GPC5: variants seen among roughly 807,000 people sequenced by gnomAD.
GPC5 encodes glypican 5.
In GPC5, 47 loss-of-function variants were observed where a neutral mutation model predicts 53.9. That is an observed-to-expected ratio of 0.87 (90% CI 0.69 to 1.11). The LOEUF (loss-of-function observed/expected upper bound fraction) is 1.11. Ranked by LOEUF, GPC5 falls within the 50% of genes most tolerant of loss-of-function variation. The pLI, the probability that GPC5 is intolerant of heterozygous loss-of-function variation, is 0.00. For synonymous variants in GPC5, 286 were observed against 263.3 expected (o/e 1.09, Z -0.84); for missense variants, 748 against 713.1 (o/e 1.05, Z -0.56).
At chr13:92,270,535 C>G (rs963140658) in intron 7 of GPC5, among the ~76,000 whole-genome samples, 1 of 152,154 alleles carries the variant, frequency 6.6e-6, no homozygotes, top group Non-Finnish European at 1.5e-5. Flanking sequence ...CCTGTGGAAC[C>G]GTGAGCCAGT....
intron 6 of GPC5, among the ~76,000 whole-genome samples, chr13:92,134,446 T>C (rs2041768023): frequency 6.6e-6 from 1 of 152,150 alleles, no homozygotes; most frequent in Non-Finnish European, 1.5e-5. Flanking sequence ...TTTGTATTAC[T>C]TTTGTGGATA....
chr13:92,073,444 A>C (rs572231963), intron 6 of GPC5, among the ~76,000 whole-genome samples: 50 of 152,326 alleles, frequency 3.3e-4, no homozygotes, highest in Admixed American at 1.0e-3. Flanking sequence ...TTAATCAAGC[A>C]TGGCTTTACT....
At chr13:92,543,968 T>G (rs1210148178) in intron 7 of GPC5, among the ~76,000 whole-genome samples, 1 of 151,948 alleles carries the variant, frequency 6.6e-6, no homozygotes, top group Non-Finnish European at 1.5e-5. Flanking sequence ...ATTGCTTTGT[T>G]TTGCTTGTTG....
chr13:91,557,422 C>T (rs1198148914), intron 2 of GPC5, among the ~76,000 whole-genome samples: 1 of 152,050 alleles, frequency 6.6e-6, no homozygotes. Context: ...CTATTCAGCC[C>T]CCATCTATTT....
intron 2 of GPC5, among the ~76,000 whole-genome samples, chr13:91,651,371 ATT>A (rs2034704885): frequency 6.6e-6 from 1 of 152,166 alleles, no homozygotes; most frequent in Non-Finnish European, 1.5e-5. Context: ...TATCTCAGAT[ATT>A]TCTATTGATG....
At chr13:92,153,638 G>A (rs932610827) in intron 7 of GPC5, among the ~76,000 whole-genome samples, 3 of 152,132 alleles carry the variant, frequency 2.0e-5, no homozygotes, top group African/African-American at 7.2e-5. Context: ...AAGTAGCAGG[G>A]CAGTGCCACA....
intron 7 of GPC5, among the ~76,000 whole-genome samples, chr13:92,480,557 T>C (rs898446917): frequency 4.6e-5 from 7 of 152,124 alleles, no homozygotes; most frequent in African/African-American, 1.7e-4. Flanking sequence ...GCAAGACACA[T>C]GTTAGAATTT....
At chr13:91,464,633 A>T (rs1882125216) in intron 2 of GPC5, among the ~76,000 whole-genome samples, 1 of 152,166 alleles carries the variant, frequency 6.6e-6, no homozygotes, top group Admixed American at 6.6e-5. Flanking sequence ...ATAACAAAAT[A>T]ACAGAGATGG....
At chr13:92,525,428 A>G (rs1293196106) in intron 7 of GPC5, among the ~76,000 whole-genome samples, 1 of 111,866 alleles carries the variant, frequency 8.9e-6, no homozygotes, top group Non-Finnish European at 2.0e-5. Context: ...TCAGAAGTAG[A>G]TAGATTCAAG....
At chr13:91,730,092 A>C (rs1263705665) in intron 4 of GPC5, among the ~76,000 whole-genome samples, 1 of 152,200 alleles carries the variant, frequency 6.6e-6, no homozygotes, top group East Asian at 1.9e-4. Flanking sequence ...GATCCAACAC[A>C]TGCTTGTCTC....
intron 7 of GPC5, among the ~76,000 whole-genome samples, chr13:92,477,349 G>A (rs778208189): frequency 2.0e-4 from 31 of 152,218 alleles, no homozygotes; most frequent in African/African-American, 7.2e-4. Flanking sequence ...CAAGAACTGA[G>A]CTCAATACTT....
At chr13:92,230,971 T>C (rs2042525891) in intron 7 of GPC5, among the ~76,000 whole-genome samples, 1 of 152,136 alleles carries the variant, frequency 6.6e-6, no homozygotes, top group Non-Finnish European at 1.5e-5. Flanking sequence ...ACAGGATAAA[T>C]GCAAAGGCAG....
intron 6 of GPC5, among the ~76,000 whole-genome samples, chr13:92,093,922 C>T (rs887239008): frequency 6.6e-6 from 1 of 152,104 alleles, no homozygotes; most frequent in African/African-American, 2.4e-5. Context: ...GCTTTTTTCT[C>T]TTCATTTAAT....
chr13:92,113,794 A>G (rs987194029), intron 6 of GPC5, among the ~76,000 whole-genome samples: 1 of 152,108 alleles, frequency 6.6e-6, no homozygotes, highest in African/African-American at 2.4e-5. Context: ...GACCAAAGTA[A>G]GACACTTTAA....
At chr13:92,491,278 C>T (rs946326371) in intron 7 of GPC5, among the ~76,000 whole-genome samples, 23 of 151,938 alleles carry the variant, frequency 1.5e-4, no homozygotes, top group Non-Finnish European at 3.1e-4. Flanking sequence ...AAAAAAAGAT[C>T]TGATTTTTTT....
chr13:92,611,589 G>T (rs983074006), intron 7 of GPC5, among the ~76,000 whole-genome samples: 15 of 152,024 alleles, frequency 9.9e-5, no homozygotes, highest in African/African-American at 3.6e-4. Flanking sequence ...GTCCTCAAGA[G>T]TTTTTTCATA....
chr13:91,505,536 A>G (rs1210375963), intron 2 of GPC5, among the ~76,000 whole-genome samples: 1 of 152,162 alleles, frequency 6.6e-6, no homozygotes. Flanking sequence ...GTCCTAGGCT[A>G]TGTCATGTCA....
intron 7 of GPC5, among the ~76,000 whole-genome samples, chr13:92,192,602 TGTTTA>T (rs1466996230): frequency 1.3e-5 from 2 of 152,178 alleles, no homozygotes; most frequent in African/African-American, 2.4e-5. Context: ...AAAAAAGTAT[TGTTTA>T]GTTGAAGCAT....
At chr13:92,685,109 G>A (rs550790034) in intron 7 of GPC5, among the ~76,000 whole-genome samples, 8 of 86,766 alleles carry the variant, frequency 9.2e-5, no homozygotes, top group African/African-American at 4.3e-4. Context: ...TTATTTATTT[G>A]AGATGTAGTC....
Sources: gnomAD v4.1 joint callset for allele counts (sites outside exome capture counted in the v4.1 genomes callset) on GRCh38, gnomAD v4.1.1 for gene constraint, MANE v1.5 for transcripts, NCBI Gene and HGNC (gene_info 2026-07-23, HGNC 2026-07-21) for gene names.